The following FRAS1 variants were observed in gnomAD, a reference collection of about 807,000 sequenced individuals.
FRAS1 encodes extracellular matrix organizing protein FRAS1.
FRAS1 carries 290 observed loss-of-function variants against 435.2 expected under a neutral mutation model. That is an observed-to-expected ratio of 0.67 (90% CI 0.61 to 0.73). The LOEUF (loss-of-function observed/expected upper bound fraction) is 0.73, where lower values mean the gene tolerates loss of function less well. Ranked by LOEUF, FRAS1 falls within the 30% of genes least tolerant of loss-of-function variation. The pLI is 0.00. For missense variants in FRAS1, 4,860 were observed against 5,001.5 expected (o/e 0.97, Z 0.85); for synonymous variants, 1,800 against 1,851.0 (o/e 0.97, Z 0.71).
intron 2 of FRAS1, among the ~76,000 whole-genome samples, chr4:78,234,336 C>T (rs1248084400): frequency 6.6e-6 from 1 of 152,028 alleles, no homozygotes; most frequent in Admixed American, 6.5e-5. Context: ...CGCCATTCTC[C>T]TGCCTCTGCC....
At chr4:78,155,767 T>G (rs1720859081) in intron 2 of FRAS1, among the ~76,000 whole-genome samples, 1 of 152,174 alleles carries the variant, frequency 6.6e-6, no homozygotes, top group Non-Finnish European at 1.5e-5. Flanking sequence ...TTTCCCCAAC[T>G]TCCCCCTCTC....
chr4:78,297,680 A>G lies in FRAS1; in HGVS notation c.1535-10386A>G, dbSNP rs986148906. Among the ~76,000 whole-genome samples, 3 of 152,206 alleles carry G rather than the reference A, an allele frequency of 2.0e-5. No homozygotes were observed. In the East Asian group the frequency reaches 5.8e-4, roughly 29 times the overall value. Reference sequence around the variant, plus strand: ...TATCTGTTACATGTGAGATAAAAAGATAGCTTTCTCTTATTCACCCTCTTT... The same window carrying G: ...TATCTGTTACATGTGAGATAAAAAGGTAGCTTTCTCTTATTCACCCTCTTT... On this transcript the variant is annotated intron_variant, in intron 14 of 73. Transcript: ENST00000512123.
chr4:78,312,400 A>G (rs1158292025), intron 15 of FRAS1, among the ~76,000 whole-genome samples: 1 of 151,970 alleles, frequency 6.6e-6, no homozygotes, highest in Non-Finnish European at 1.5e-5. Flanking sequence ...ACCACTATCA[A>G]ACTTTTTTTC....
At chr4:78,129,572 A>C (rs1480108722) in intron 2 of FRAS1, among the ~76,000 whole-genome samples, 1 of 137,890 alleles carries the variant, frequency 7.3e-6, no homozygotes, top group South Asian at 2.4e-4. Flanking sequence ...CTGATTTGTG[A>C]AACTGAATTA....
chr4:78,201,332 G>A (rs1458808800), intron 2 of FRAS1, among the ~76,000 whole-genome samples: 1 of 152,212 alleles, frequency 6.6e-6, no homozygotes, highest in African/African-American at 2.4e-5. Context: ...TGAATTAGAA[G>A]TTAGGTAAAG....
chr4:78,462,213 A>G (rs908594092), intron 47 of FRAS1, among the ~76,000 whole-genome samples: 8 of 152,288 alleles, frequency 5.3e-5, no homozygotes, highest in Middle Eastern at 3.4e-3. Context: ...AGTCTCTACT[A>G]AAAATACAAA....
At chr4:78,528,052 T>C (rs548459487) in intron 70 of FRAS1, among the ~76,000 whole-genome samples, 2 of 152,072 alleles carry the variant, frequency 1.3e-5, no homozygotes, top group African/African-American at 4.8e-5. Context: ...ACTAGGAGGA[T>C]AAGGATGACA....
At chr4:78,509,107 A>G (rs1042609952) in intron 63 of FRAS1, 101 bp downstream of exon 63, 12 of 1,295,848 alleles carry the variant, frequency 9.3e-6, no homozygotes, top group African/African-American at 3.0e-5. Context: ...CATGCATGGC[A>G]TTTGGAATAA....
At chr4:78,326,650 A>C (rs1729730971) in intron 18 of FRAS1, among the ~76,000 whole-genome samples, 2 of 152,228 alleles carry the variant, frequency 1.3e-5, no homozygotes, top group Non-Finnish European at 2.9e-5. Context: ...TAAAGGCCAA[A>C]GCTGTACACA....
rs1731426154 is a variant in FRAS1, at chr4:78,369,836, A to C, written c.2723-2A>C. 6.2e-7 allele frequency: 1 copy of C among 1,608,696 alleles called. No homozygotes were observed. On this transcript the variant is annotated splice_acceptor_variant, in intron 22 of 73. Transcript: ENST00000512123. LOFTEE classifies it high-confidence loss of function. Reference sequence around the variant, plus strand: ...GGTCATTTTCTTTTCCTGTCTGCTCAGCATGCAACACACACTGTGGAAGCT... The same window carrying C: ...GGTCATTTTCTTTTCCTGTCTGCTCCGCATGCAACACACACTGTGGAAGCT...
At chr4:78,484,902 G>A (rs1720122005) in intron 58 of FRAS1, among the ~76,000 whole-genome samples, 2 of 152,236 alleles carry the variant, frequency 1.3e-5, no homozygotes, top group South Asian at 4.1e-4. Flanking sequence ...AATTGGTGTA[G>A]AAGTAGAATC....
intron 18 of FRAS1, among the ~76,000 whole-genome samples, chr4:78,324,524 C>T (rs1439309903): frequency 6.6e-6 from 1 of 151,972 alleles, no homozygotes; most frequent in East Asian, 1.9e-4. Flanking sequence ...GTCATCACAA[C>T]CAATAATTTT....
chr4:78,374,924 A>G (rs1307128127), intron 25 of FRAS1, among the ~76,000 whole-genome samples: 1 of 152,236 alleles, frequency 6.6e-6, no homozygotes, highest in East Asian at 1.9e-4. Context: ...CACAGACACT[A>G]TGAATCCTGT....
intron 38 of FRAS1, among the ~76,000 whole-genome samples, chr4:78,437,831 T>C (rs540475003): frequency 1.3e-5 from 2 of 152,330 alleles, no homozygotes; most frequent in South Asian, 4.1e-4. Context: ...CTCCCAGATA[T>C]TTCCAAAAAT....
chr4:78,077,029 T>C (rs1740669169), intron 2 of FRAS1, among the ~76,000 whole-genome samples: 1 of 152,198 alleles, frequency 6.6e-6, no homozygotes, highest in Non-Finnish European at 1.5e-5. Flanking sequence ...TCAAGGATGC[T>C]TACTCAGTAA....
intron 61 of FRAS1, among the ~76,000 whole-genome samples, chr4:78,503,142 T>C (rs1720731391): frequency 6.6e-6 from 1 of 152,260 alleles, no homozygotes; most frequent in African/African-American, 2.4e-5. Context: ...GATTTTCGCA[T>C]TGATGGTCAT....
At chr4:78,510,359 A>G (rs1720993874) in intron 63 of FRAS1, among the ~76,000 whole-genome samples, 1 of 152,204 alleles carries the variant, frequency 6.6e-6, no homozygotes, top group Non-Finnish European at 1.5e-5. Context: ...ATTCTATTAT[A>G]TGCATTCTTG....
intron 18 of FRAS1, among the ~76,000 whole-genome samples, chr4:78,323,229 T>C (rs1729577766): frequency 6.6e-6 from 1 of 152,256 alleles, no homozygotes; most frequent in Non-Finnish European, 1.5e-5. Context: ...AGAGGGTTTG[T>C]TGCTAATTGT....
chr4:78,387,380 C>A lies in FRAS1; in HGVS notation c.3654C>A (p.Pro1218=). The change falls in exon 29 of 74, where the codon CCC becomes CCA. Residue 1218 remains proline (P), a synonymous_variant. Coordinates refer to ENST00000512123, the MANE Select transcript of FRAS1 (RefSeq NM_025074.7). ...TCTTCCCTTCAACTCCACAGGCCCC[C>A]TATGTGCTGAGAAATGAAGTTCTCC... is the stretch of plus-strand genomic sequence containing the variant. ...INIQAFSTQA[P]YVLRNEVLHI... 6.2e-7 allele frequency: 1 copy of A among 1,605,208 alleles called. No individual in the cohort carries two copies. The highest frequency in any genetic ancestry group is 1.3e-5 in the African/African-American group (1 of 74,944).
Sources: gnomAD v4.1 joint callset for allele counts (sites outside exome capture counted in the v4.1 genomes callset) on GRCh38, gnomAD v4.1.1 for gene constraint, MANE v1.5 for transcripts, NCBI Gene and HGNC (gene_info 2026-07-23, HGNC 2026-07-21) for gene names.